VRTN: variants seen among roughly 807,000 people sequenced by gnomAD.
VRTN encodes vertnin.
VRTN carries 5 observed loss-of-function variants against 18.2 expected under a neutral mutation model. The ratio of observed to expected loss-of-function variants is 0.27; its 90% confidence interval spans 0.14 to 0.58. The LOEUF (loss-of-function observed/expected upper bound fraction) is 0.58, where lower values mean the gene tolerates loss of function less well. Among genes scored for constraint, VRTN ranks in the 20% least tolerant of loss-of-function variants. The probability of loss-of-function intolerance (pLI) is 0.91; values close to 1 mark genes in which losing one functional copy is unlikely to be tolerated. For synonymous variants in VRTN, 381 were observed against 393.7 expected, an observed-to-expected ratio of 0.97 and a Z score of 0.38; for missense variants, 741 against 939.4, an observed-to-expected ratio of 0.79 and a Z score of 2.76.
chr14:74,324,993 GA>G lies in VRTN; in HGVS notation c.-163-12719del, dbSNP rs935880336. Among the ~76,000 whole-genome samples the G allele has an allele frequency of 4.5e-3, 651 of 146,152 alleles. 3 individuals carry two copies. The highest frequency in any genetic ancestry group is 7.6e-3 in the Non-Finnish European group (503 of 66,200). The stretch of plus-strand genomic sequence containing the variant: ...TTTCCCCAAATGAGCAAACTAGTAG[GA>G]AAAAAAAAAAGAGTGTGATCCTTCC... On this transcript the variant is annotated intron_variant, in intron 1 of 2. Transcript: ENST00000557177.
chr14:74,357,892 G>A lies in VRTN; in HGVS notation c.1109G>A (p.Gly370Asp), dbSNP rs1273040126. 1 of 1,614,068 alleles carries A rather than the reference G, an allele frequency of 6.2e-7. No individual in the cohort carries two copies. Among genetic ancestry groups the A allele is most frequent in the Non-Finnish European group, 8.5e-7 (1 of 1,180,042 alleles). The stretch of plus-strand genomic sequence containing the variant: ...GCCTTGCCCCCCAGGGAGGTGCTGG[G>A]CATGGAGGAGCTAGAGAAGCTGCCG... ...CPALPPREVLGMEELEKLPEE... is the reference protein window; with the variant it reads ...CPALPPREVLDMEELEKLPEE... Residue 370 changes from glycine to aspartate, a missense_variant, in exon 2 of 2, where the codon GGC (glycine) becomes GAC (aspartate). By Grantham distance (94) the Gly-to-Asp change is moderately conservative. This residue lies in a region of VRTN where 494 missense variants were observed against 546.5 expected (regional missense o/e 0.90). Transcript: ENST00000256362. This position sits in a 1 kb window ranked among gnomAD's most constrained non-coding sequence, Gnocchi z 7.8.
chr14:74,303,051 G>T, upstream of VRTN: 1 of 899,260 alleles, frequency 1.1e-6, no homozygotes, highest in Non-Finnish European at 1.6e-6. Context: ...GACTCTCCCG[G>T]AAGCGACCGA....
intron 1 of VRTN, chr14:74,306,164 ATATATATATTTTT>A (rs1456363514): frequency 9.4e-5 from 6 of 63,766 alleles, no homozygotes; most frequent in African/African-American, 5.5e-4. Context: ...ATATATATAT[ATATATATATTTTT>A]TTTTTTTTTT....
At chr14:74,325,288 A>G (rs2140198778) in intron 1 of VRTN, among the ~76,000 whole-genome samples, 1 of 152,314 alleles carries the variant, frequency 6.6e-6, no homozygotes, top group East Asian at 1.9e-4. Flanking sequence ...AATATGGTAT[A>G]TAGAAGGAAA....
chr14:74,352,234 C>T (rs1403928013), intron 1 of VRTN, among the ~76,000 whole-genome samples: 2 of 150,316 alleles, frequency 1.3e-5, no homozygotes, highest in African/African-American at 2.4e-5. Flanking sequence ...GGCTGGAGTG[C>T]GGTGGGCGAT....
chr14:74,338,203 C>T lies in VRTN; in HGVS notation c.-2+319C>T, dbSNP rs146292238. On this transcript the variant is annotated intron_variant, in intron 2 of 2. Transcript: ENST00000557177. The stretch of plus-strand genomic sequence containing the variant: ...CTAACAAATTTAACATTAATTGCTT[C>T]GTATACTCTAATATCTAATCTATAT... Among the ~76,000 whole-genome samples the T allele has an allele frequency of 2.9e-4, 44 of 152,220 alleles. No homozygotes were observed. The East Asian group carries it at 8.3e-3, about 29-fold the overall frequency.
chr14:74,331,435 A>G (rs1196307263), intron 1 of VRTN, among the ~76,000 whole-genome samples: 1 of 149,918 alleles, frequency 6.7e-6, no homozygotes, highest in Non-Finnish European at 1.5e-5. Context: ...AGGTTGAGGT[A>G]GGAGAATCGC....
chr14:74,304,152 T>G (rs79983502), intron 1 of VRTN, among the ~76,000 whole-genome samples: 4 of 151,016 alleles, frequency 2.6e-5, no homozygotes, highest in African/African-American at 7.3e-5. Flanking sequence ...CTCCTGGCCT[T>G]TTTTTGTTTT....
intron 1 of VRTN, among the ~76,000 whole-genome samples, chr14:74,323,508 C>T (rs12886854): frequency 0.28 from 41,848 of 151,344 alleles, 6,244 homozygotes; most frequent in Middle Eastern, 0.56. Context: ...CATTTGAACC[C>T]GGGAAGTGCA....
intron 1 of VRTN, among the ~76,000 whole-genome samples, chr14:74,313,932 TCAAAAA>T (rs1363171989): frequency 1.6e-4 from 25 of 152,032 alleles, no homozygotes. Flanking sequence ...AGACACTGTC[TCAAAAA>T]CAAAAAACGA....
At chr14:74,323,280 C>G (rs746713407) in intron 1 of VRTN, among the ~76,000 whole-genome samples, 1 of 151,874 alleles carries the variant, frequency 6.6e-6, no homozygotes, top group Non-Finnish European at 1.5e-5. Context: ...GGTGAGGATA[C>G]TTGTTAAAAA....
intron 1 of VRTN, among the ~76,000 whole-genome samples, chr14:74,318,507 G>A (rs995191134): frequency 6.6e-6 from 1 of 152,142 alleles, no homozygotes; most frequent in Non-Finnish European, 1.5e-5. Context: ...CCAACCTCAG[G>A]TGATCCGCCT....
At position 74,358,282 on chromosome 14, in the gene VRTN, TA is replaced by T; in HGVS notation, c.1501del (p.Arg501GlyfsTer20). 6.2e-7 allele frequency: 1 copy of T among 1,611,048 alleles called. No homozygotes were observed. Among genetic ancestry groups the T allele is most frequent in the Non-Finnish European group, 8.5e-7 (1 of 1,178,158 alleles). On this transcript the variant is annotated frameshift_variant, in exon 2 of 2. Coordinates refer to ENST00000256362, the MANE Select transcript of VRTN (RefSeq NM_018228.3). LOFTEE classifies it low-confidence loss of function (END_TRUNC). The surrounding 1 kb of genome is among the most constrained non-coding windows in gnomAD (Gnocchi z 5.4). ...DPPAPGELLP[L>X]RMPLSRWQRR... ...CCCGCCCCCGGGGAGCTCCTGCCAC[TA>T]AGGATGCCCCTGTCCCGTTGGCAGA...
At chr14:74,316,986 C>T (rs765001989) in intron 1 of VRTN, among the ~76,000 whole-genome samples, 4 of 152,012 alleles carry the variant, frequency 2.6e-5, no homozygotes, top group African/African-American at 7.3e-5. Flanking sequence ...GCCAGCATGG[C>T]CAGAGTGCAA....
At chr14:74,316,586 C>G (rs2085420507) in intron 1 of VRTN, among the ~76,000 whole-genome samples, 1 of 151,234 alleles carries the variant, frequency 6.6e-6, no homozygotes, top group Non-Finnish European at 1.5e-5. Flanking sequence ...GAGGGAAGAG[C>G]ATTCTAAGCA....
chr14:74,303,001 A>G (rs568762551), upstream of VRTN: 206 of 1,329,776 alleles, frequency 1.5e-4, no homozygotes, highest in Non-Finnish European at 2.0e-4. Flanking sequence ...CGGCTACCAC[A>G]GAGACGGCGT....
chr14:74,304,964 A>T lies in VRTN; in HGVS notation c.-164+1788A>T, dbSNP rs535528275. Among the ~76,000 whole-genome samples the T allele has an allele frequency of 2.0e-5, 3 of 152,304 alleles. No homozygotes were observed. The South Asian group carries it at 6.2e-4, about 32-fold the overall frequency. ...CAGATCTTGTCCCCTTTCAGTCTCAAAAATGTCCTAGTTTGGTATTCGGTG... is the reference window on the plus strand; with the variant it reads ...CAGATCTTGTCCCCTTTCAGTCTCATAAATGTCCTAGTTTGGTATTCGGTG... On this transcript the variant is annotated intron_variant, in intron 1 of 2. Transcript: ENST00000557177.
At chr14:74,334,853 C>T (rs2085553153) in intron 1 of VRTN, among the ~76,000 whole-genome samples, 1 of 152,130 alleles carries the variant, frequency 6.6e-6, no homozygotes, top group Admixed American at 6.5e-5. Context: ...GAGGGTGGGT[C>T]TATGGATTGG....
At chr14:74,344,722 G>T (rs1190483857), upstream of VRTN, among the ~76,000 whole-genome samples, 1 of 33,610 alleles carries the variant, frequency 3.0e-5, no homozygotes, top group South Asian at 8.2e-4. Context: ...GCAACAGATG[G>T]AGACTCTGAC....
Sources: allele counts gnomAD v4.1 joint callset (sites outside exome capture counted in the v4.1 genomes callset), GRCh38; gene constraint gnomAD v4.1.1; regional missense constraint gnomAD v4.1.1; non-coding constraint Gnocchi (gnomAD v3.1); transcripts MANE v1.5; gene names NCBI Gene and HGNC (gene_info 2026-07-23, HGNC 2026-07-21).